Variants in FMNL3 observed in about 807,000 individuals in gnomAD.
The protein encoded by FMNL3 is formin-like protein 3.
A neutral mutation model predicts 119.6 loss-of-function variants in FMNL3; 57 were observed. That is an observed-to-expected ratio of 0.48 (90% CI 0.39 to 0.59). The LOEUF (loss-of-function observed/expected upper bound fraction) is 0.59, where lower values mean the gene tolerates loss of function less well. Among genes scored for constraint, FMNL3 ranks in the 20% least tolerant of loss-of-function variants. FMNL3 has a pLI of 0.00. For missense variants in FMNL3, 1,053 were observed against 1,323.5 expected (o/e 0.80, Z 3.17); for synonymous variants, 491 against 507.3 (o/e 0.97, Z 0.43).
At chr12:49,702,649 G>T (rs1448712355) in intron 1 of FMNL3, among the ~76,000 whole-genome samples, 1 of 151,946 alleles carries the variant, frequency 6.6e-6, no homozygotes, top group Non-Finnish European at 1.5e-5. Context: ...ACCACACACA[G>T]GCTTCCCCCA....
In FMNL3 at chr12:49,648,339, C is replaced by T. The variant is rs780340968; in HGVS notation, c.2530G>A (p.Val844Met). 30 of 1,612,300 alleles carry T rather than the reference C, an allele frequency of 1.9e-5. No homozygotes were observed. The highest frequency in any genetic ancestry group is 2.7e-5 in the African/African-American group (2 of 74,870). The change falls in exon 22 of 26, where the codon GTG (valine) becomes ATG (methionine). Residue 844 changes from valine (V) to methionine (M), a missense_variant. This residue lies in a region of FMNL3 where 324 missense variants were observed against 380.9 expected (regional missense o/e 0.85). Coordinates refer to ENST00000335154, the MANE Select transcript of FMNL3 (RefSeq NM_175736.5). ...EKAAAVSLEN[V>M]LLDVKELGRG... ...CCCAGCTCCTTCACGTCCAGCAGCA[C>T]GTTCTCCAGGGACACTGGTCACCAA... is the stretch of plus-strand genomic sequence containing the variant.
chr12:49,705,859 C>A (rs1249911421), intron 1 of FMNL3, among the ~76,000 whole-genome samples: 1 of 152,198 alleles, frequency 6.6e-6, no homozygotes, highest in Admixed American at 6.5e-5. Flanking sequence ...ATGTCAGATT[C>A]TCTACCATCG....
At position 49,644,373 on chromosome 12, in the gene FMNL3, A is replaced by C; in HGVS notation, c.*1442T>G. 1 of 668,508 alleles carries C rather than the reference A, an allele frequency of 1.5e-6. No homozygotes were observed. The highest frequency in any genetic ancestry group is 2.6e-6 in the Non-Finnish European group (1 of 382,436). 41.4% of individuals were successfully genotyped at this position (668,508 alleles called of 1,614,324 possible). ...TGCTCTTGGTGTTCAAGGGTCCCCTACTCCCTGGACTAGTGCAGTCCTTGC... is the reference window on the plus strand; with the variant it reads ...TGCTCTTGGTGTTCAAGGGTCCCCTCCTCCCTGGACTAGTGCAGTCCTTGC... On this transcript the variant is annotated 3_prime_UTR_variant, in exon 26 of 26. Coordinates refer to ENST00000335154, the MANE Select transcript of FMNL3 (RefSeq NM_175736.5).
At chr12:49,691,374 T>G (rs1048872452) in intron 1 of FMNL3, among the ~76,000 whole-genome samples, 1 of 152,174 alleles carries the variant, frequency 6.6e-6, no homozygotes, top group African/African-American at 2.4e-5. Flanking sequence ...GACTTGACTT[T>G]GAGAAGCTGA....
intron 1 of FMNL3, among the ~76,000 whole-genome samples, chr12:49,693,947 A>AT (rs1246815848): frequency 2.7e-5 from 4 of 147,552 alleles, no homozygotes; most frequent in African/African-American, 1.0e-4. Flanking sequence ...CAACAATCTT[A>AT]TTTTTTTTAA....
At position 49,652,198 on chromosome 12, in the gene FMNL3, G is replaced by A. The variant is rs765811170; in HGVS notation, c.1338C>T (p.Asn446=). The change falls in exon 14 of 26, where the codon AAC becomes AAT. Residue 446 remains asparagine (N), a synonymous_variant. Coordinates refer to ENST00000335154, the MANE Select transcript of FMNL3 (RefSeq NM_175736.5). Reference sequence around the variant, plus strand: ...GCAGGGTGTGCACCTGGTGGCTTGTGTTCTCATATGTCTCCTGGCAGGCAG... The same window carrying A: ...GCAGGGTGTGCACCTGGTGGCTTGTATTCTCATATGTCTCCTGGCAGGCAG... ...ELESIKETYE[N]TSHQVHTLRR... 1.9e-6 allele frequency: 3 copies of A among 1,612,672 alleles called. No homozygotes were observed. Among genetic ancestry groups the A allele is most frequent in the Non-Finnish European group, 2.5e-6 (3 of 1,179,586 alleles).
rs143123725 is a variant in FMNL3 at position 49,643,891 on chromosome 12, G to A, written c.*1924C>T. 41 of 1,614,086 alleles carry A rather than the reference G, an allele frequency of 2.5e-5. No individual in the cohort carries two copies. Among genetic ancestry groups the A allele is most frequent in the Admixed American group, 6.7e-5 (4 of 60,012 alleles). The stretch of plus-strand genomic sequence containing the variant: ...TCCTGAGAGTGAGACAGACCCTGAG[G>A]AGAAAGCTGGCAAGGAGAGCGATGA... On this transcript the variant is annotated 3_prime_UTR_variant, in exon 26 of 26. Transcript: ENST00000335154.
Position 49,654,206 on chromosome 12 carries a change from C to G in FMNL3, c.1057G>C (p.Glu353Gln). Residue 353 changes from glutamate (E) to glutamine (Q), a missense_variant, in exon 11 of 26, where the codon GAG becomes CAG. By Grantham distance (29) the Glu-to-Gln change is conservative (BLOSUM62 2). Coordinates refer to ENST00000335154, the MANE Select transcript of FMNL3 (RefSeq NM_175736.5). Reference protein sequence around the residue: ...LQYEFTKLGLEEFLQKSRHTE... With the variant: ...LQYEFTKLGLQEFLQKSRHTE... ...AGCCAGCTCACCTGCAGGAACTCCTCTAGCCCCAGCTTGGTAAACTCATAC... is the reference window on the plus strand; with the variant it reads ...AGCCAGCTCACCTGCAGGAACTCCTGTAGCCCCAGCTTGGTAAACTCATAC... 6.2e-7 allele frequency: 1 copy of G among 1,614,178 alleles called. No individual in the cohort carries two copies. The highest frequency in any genetic ancestry group is 8.5e-7 in the Non-Finnish European group (1 of 1,180,026).
At chr12:49,697,676 T>C (rs1242585482) in intron 1 of FMNL3, among the ~76,000 whole-genome samples, 1 of 152,130 alleles carries the variant, frequency 6.6e-6, no homozygotes. Context: ...CGAGATAAAG[T>C]GGGTAATGTA....
chr12:49,638,365 C>G lies in FMNL3; in HGVS notation c.*7450G>C, dbSNP rs1250020215. The stretch of plus-strand genomic sequence containing the variant: ...TGTCAATATGGATTATCTAGCAGTA[C>G]TGAGCTGGATTTGCAAGGCATTCTG... On this transcript the variant is annotated 3_prime_UTR_variant, in exon 26 of 26. Transcript: ENST00000335154. The G allele has an allele frequency of 6.5e-6, 1 of 152,844 alleles. No individual in the cohort carries two copies. Among genetic ancestry groups the G allele is most frequent in the African/African-American group, 2.4e-5 (1 of 41,430 alleles). The allele number at this position is 152,844 out of a possible 1,614,324, so 9.5% of individuals were successfully genotyped here.
chr12:49,682,256 G>A (rs1246145449), intron 1 of FMNL3, among the ~76,000 whole-genome samples: 1 of 151,968 alleles, frequency 6.6e-6, no homozygotes, highest in African/African-American at 2.4e-5. Context: ...ATTTTTAGTA[G>A]AGACGGGGTT....
chr12:49,665,764 C>T (rs57905415), intron 4 of FMNL3, 68 bp downstream of exon 4: 1 of 1,519,950 alleles, frequency 6.6e-7, no homozygotes, highest in East Asian at 2.3e-5. Flanking sequence ...TCAGAGGACA[C>T]CAGACCCTGT....
Position 49,643,380 on chromosome 12 carries a change from C to G in FMNL3, c.*2435G>C. On this transcript the variant is annotated 3_prime_UTR_variant, in exon 26 of 26. Transcript: ENST00000335154. Reference sequence around the variant, plus strand: ...CTTGGAGGACGGGGCTCCCCTTCCTCCCATCTTCTTGGAGCAGGTAAGCAG... The same window carrying G: ...CTTGGAGGACGGGGCTCCCCTTCCTGCCATCTTCTTGGAGCAGGTAAGCAG... 1 of 1,568,134 alleles carries G rather than the reference C, an allele frequency of 6.4e-7. No individual in the cohort carries two copies. Among genetic ancestry groups the G allele is most frequent in the Non-Finnish European group, 8.6e-7 (1 of 1,158,674 alleles).
intron 1 of FMNL3, among the ~76,000 whole-genome samples, chr12:49,700,424 G>C (rs1220959342): frequency 1.4e-5 from 2 of 147,304 alleles, no homozygotes; most frequent in African/African-American, 5.0e-5. Flanking sequence ...ATTTTAAAAG[G>C]GTAAGATACG....
intron 1 of FMNL3, among the ~76,000 whole-genome samples, chr12:49,679,931 A>G (rs188135954): frequency 6.8e-4 from 103 of 152,070 alleles, no homozygotes; most frequent in African/African-American, 2.3e-3. Context: ...ATAAACATCT[A>G]CTCTGGGCCA....
At chr12:49,694,633 G>A (rs1196871772) in intron 1 of FMNL3, among the ~76,000 whole-genome samples, 1 of 152,050 alleles carries the variant, frequency 6.6e-6, no homozygotes, top group Non-Finnish European at 1.5e-5. Flanking sequence ...ATATCAGGAC[G>A]AGTGCGGTGG....
intron 5 of FMNL3, chr12:49,661,733 G>A (rs1266642666): frequency 3.7e-6 from 2 of 546,524 alleles, no homozygotes; most frequent in Non-Finnish European, 6.6e-6. Context: ...TCTCTGTCCT[G>A]TTCTCCAAAA....
At position 49,649,261 on chromosome 12, in the gene FMNL3, G is replaced by A. The variant is rs531961715; in HGVS notation, c.2383C>T (p.Leu795=). ...VYGFKLQSLD[L]LLDTKSTDRK... is the part of the protein sequence containing the mutation. ...CCACGCTGCCCTCACCATCTTACCA[G>A]ATCCAGGCTCTGGAGCTTGAAGCCA... Residue 795 remains leucine, a splice_region_variant and synonymous_variant, in exon 20 of 26, where the codon CTG becomes TTG. Transcript: ENST00000335154. This position sits in a 1 kb window ranked among gnomAD's most constrained non-coding sequence, Gnocchi z 5.6. 5.6e-6 allele frequency: 9 copies of A among 1,614,170 alleles called. No individual in the cohort carries two copies. Among genetic ancestry groups the A allele is most frequent in the South Asian group, 2.2e-5 (2 of 91,076 alleles).
Position 49,707,195 on chromosome 12 carries a change from C to T in FMNL3, c.-15G>A, listed in dbSNP as rs756494645. 6.6e-7 allele frequency: 1 copy of T among 1,511,074 alleles called. No individual in the cohort carries two copies. Among genetic ancestry groups the T allele is most frequent in the Non-Finnish European group, 8.8e-7 (1 of 1,135,444 alleles). 93.6% of individuals were successfully genotyped at this position (1,511,074 alleles called of 1,614,324 possible). A position where few individuals can be genotyped will look rare whatever the true frequency, so the allele number is the denominator to read the frequency against. On this transcript the variant is annotated 5_prime_UTR_variant, in exon 1 of 26. Coordinates refer to ENST00000335154, the MANE Select transcript of FMNL3 (RefSeq NM_175736.5). ...AGGTTGCCCATCGCGGCGGGGCCCC[C>T]TCAGGGGCCTCGGCCCCCCACCTCC...
Sources: allele counts gnomAD v4.1 joint callset (sites outside exome capture counted in the v4.1 genomes callset), GRCh38; gene constraint gnomAD v4.1.1; regional missense constraint gnomAD v4.1.1; non-coding constraint Gnocchi (gnomAD v3.1); transcripts MANE v1.5; gene names NCBI Gene and HGNC (gene_info 2026-07-23, HGNC 2026-07-21).